Variants in MDGA2 observed in about 807,000 individuals in gnomAD.
MDGA2 encodes MAM domain-containing glycosylphosphatidylinositol anchor protein 2.
A neutral mutation model predicts 117.8 loss-of-function variants in MDGA2; 40 were observed. The observed-to-expected ratio is 0.34, with a 90% CI of 0.26 to 0.44. The LOEUF is 0.44. Ranked by LOEUF, MDGA2 falls within the 20% of genes least tolerant of loss-of-function variation. The pLI is 1.00. For synonymous variants in MDGA2, 452 were observed against 439.0 expected, an observed-to-expected ratio of 1.03 and a Z score of -0.37; for missense variants, 1,123 against 1,250.6, an observed-to-expected ratio of 0.90 and a Z score of 1.54.
intron 10 of MDGA2, among the ~76,000 whole-genome samples, chr14:46,912,911 G>A (rs1883760445): frequency 6.6e-6 from 1 of 152,176 alleles, no homozygotes; most frequent in Admixed American, 6.6e-5. Context: ...TTTGGAAGAT[G>A]AAGATAAACT....
At chr14:47,628,516 C>A (rs1897193338) in intron 1 of MDGA2, among the ~76,000 whole-genome samples, 1 of 152,146 alleles carries the variant, frequency 6.6e-6, no homozygotes, top group African/African-American at 2.4e-5. Context: ...CTTTGTAACA[C>A]TAAGAAATTG....
At chr14:47,370,885 A>C (rs1891342061) in intron 1 of MDGA2, among the ~76,000 whole-genome samples, 1 of 151,526 alleles carries the variant, frequency 6.6e-6, no homozygotes, top group South Asian at 2.1e-4. Context: ...TTTGTCTTAT[A>C]TTTTTCTGAT....
intron 8 of MDGA2, among the ~76,000 whole-genome samples, chr14:47,006,227 T>G (rs745920666): frequency 6.6e-6 from 1 of 151,314 alleles, no homozygotes; most frequent in Non-Finnish European, 1.5e-5. Context: ...ATCTCAGGTA[T>G]CTTTCAGCTG....
intron 1 of MDGA2, among the ~76,000 whole-genome samples, chr14:47,475,106 G>C (rs1275437734): frequency 1.3e-5 from 2 of 152,110 alleles, no homozygotes; most frequent in Non-Finnish European, 2.9e-5. Context: ...TTAATATCCA[G>C]AGTCTATAAG....
chr14:47,337,052 A>G (rs1890481312), intron 1 of MDGA2, among the ~76,000 whole-genome samples: 1 of 152,016 alleles, frequency 6.6e-6, no homozygotes, highest in Admixed American at 6.6e-5. Context: ...TGCCAACAAC[A>G]AAACTACAAA....
intron 1 of MDGA2, among the ~76,000 whole-genome samples, chr14:47,418,604 G>A (rs993000582): frequency 6.6e-6 from 1 of 152,074 alleles, no homozygotes; most frequent in African/African-American, 2.4e-5. Context: ...CCTTACAGAA[G>A]CCCCACCCCT....
At chr14:46,978,434 A>C (rs1043149136) in intron 8 of MDGA2, among the ~76,000 whole-genome samples, 5 of 152,080 alleles carry the variant, frequency 3.3e-5, no homozygotes, top group African/African-American at 1.2e-4. Context: ...GCATTAATTT[A>C]GACAGTAATG....
At chr14:47,473,866 C>A (rs1893780221) in intron 1 of MDGA2, among the ~76,000 whole-genome samples, 1 of 152,064 alleles carries the variant, frequency 6.6e-6, no homozygotes, top group Admixed American at 6.6e-5. Context: ...CAAACCATAA[C>A]CAATATCATA....
intron 1 of MDGA2, among the ~76,000 whole-genome samples, chr14:47,646,798 T>G (rs1214336932): frequency 1.3e-5 from 2 of 152,236 alleles, no homozygotes; most frequent in Non-Finnish European, 2.9e-5. Context: ...ATCAGAGCCA[T>G]TTTATGTAAA....
intron 1 of MDGA2, among the ~76,000 whole-genome samples, chr14:47,353,454 C>T (rs146180445): frequency 2.4e-3 from 371 of 152,254 alleles, no homozygotes; most frequent in African/African-American, 8.5e-3. Flanking sequence ...GTGTTACAAG[C>T]TACATTGTGT....
chr14:47,234,412 T>C (rs1594743637), intron 2 of MDGA2, among the ~76,000 whole-genome samples: 1 of 152,070 alleles, frequency 6.6e-6, no homozygotes, highest in Non-Finnish European at 1.5e-5. Context: ...TGGTTTATCA[T>C]AGCAATTTTC....
intron 1 of MDGA2, among the ~76,000 whole-genome samples, chr14:47,482,122 A>G (rs1186406544): frequency 6.6e-6 from 1 of 152,044 alleles, no homozygotes; most frequent in Non-Finnish European, 1.5e-5. Flanking sequence ...GTAGCTCCAC[A>G]GTTCGTTCTT....
intron 5 of MDGA2, among the ~76,000 whole-genome samples, chr14:47,121,316 C>T (rs1409992222): frequency 3.9e-5 from 6 of 151,926 alleles, no homozygotes; most frequent in Admixed American, 2.6e-4. Context: ...ATAGAATATT[C>T]CAAAAAGGCT....
chr14:47,354,927 G>A (rs1042592274), intron 1 of MDGA2, among the ~76,000 whole-genome samples: 2 of 152,106 alleles, frequency 1.3e-5, no homozygotes, highest in African/African-American at 4.8e-5. Context: ...AAAACCAGAA[G>A]GGACCCAAGT....
intron 3 of MDGA2, among the ~76,000 whole-genome samples, chr14:47,146,796 G>A (rs1882961914): frequency 6.6e-6 from 1 of 152,128 alleles, no homozygotes; most frequent in Non-Finnish European, 1.5e-5. Flanking sequence ...CAGTTAATAG[G>A]TTTGTACTTT....
Position 47,301,427 on chromosome 14 carries a change from C to G in MDGA2, c.404G>C (p.Gly135Ala). ...GGGACTCACCTGTGGACGTGGATGTCCTGTGACTAGACAAGTCAACTCAAG... is the reference window on the plus strand; with the variant it reads ...GGGACTCACCTGTGGACGTGGATGTGCTGTGACTAGACAAGTCAACTCAAG... ...ETLELTCLVT[G>A]HPRPQIRWTK... is the part of the protein sequence containing the mutation. Residue 135 changes from glycine to alanine, a missense_variant, in exon 2 of 17, where the codon GGA becomes GCA. Physicochemically the swap from Gly to Ala is moderately conservative, Grantham distance 60. This residue lies in a region of MDGA2 where 233 missense variants were observed against 200.3 expected (regional missense o/e 1.16). Transcript: ENST00000399232. 6.4e-7 allele frequency: 1 copy of G among 1,551,812 alleles called. No individual in the cohort carries two copies. The highest frequency in any genetic ancestry group is 8.7e-7 in the Non-Finnish European group (1 of 1,147,016).
At position 46,841,842 on chromosome 14, in the gene MDGA2, G is replaced by A. The variant is rs1024491460; in HGVS notation, c.*89C>T. On this transcript the variant is annotated 3_prime_UTR_variant, in exon 17 of 17. Coordinates refer to ENST00000399232, the MANE Select transcript of MDGA2 (RefSeq NM_001113498.3). ...GTCAGTAGTCAGTGGAGGAATCTTT[G>A]GTAGTTTGTTTGTTCAATGTCCATT... 4 of 881,436 alleles carry A rather than the reference G, an allele frequency of 4.5e-6. No homozygotes were observed. The highest frequency in any genetic ancestry group is 7.1e-6 in the Non-Finnish European group (4 of 567,188). 54.6% of individuals were successfully genotyped at this position (881,436 alleles called of 1,614,324 possible). A position where few individuals can be genotyped will look rare whatever the true frequency, so the allele number is the denominator to read the frequency against.
In MDGA2 at chr14:46,846,016, A is replaced by G. The variant is rs557840242; in HGVS notation, c.2884-145T>C. The G allele has an allele frequency of 9.6e-4, 615 of 643,826 alleles. 1 individual carries two copies. The highest frequency in any genetic ancestry group is 1.5e-3 in the Non-Finnish European group (534 of 363,540). The allele number at this position is 643,826 out of a possible 1,614,324, so 39.9% of individuals were successfully genotyped here. On this transcript the variant is annotated intron_variant, in intron 15 of 16. Transcript: ENST00000399232. ...TGGCTTTCAAAATTAAAACTTGCAG[A>G]AAACATAAACTTTCATCCCAAAACC...
intron 8 of MDGA2, among the ~76,000 whole-genome samples, chr14:46,963,122 T>A (rs969042668): frequency 1.3e-5 from 2 of 152,194 alleles, no homozygotes; most frequent in African/African-American, 2.4e-5. Context: ...GGTATGTGAA[T>A]TGATGGTTAA....
Sources: allele counts gnomAD v4.1 joint callset (sites outside exome capture counted in the v4.1 genomes callset), GRCh38; gene constraint gnomAD v4.1.1; regional missense constraint gnomAD v4.1.1; transcripts MANE v1.5; gene names NCBI Gene and HGNC (gene_info 2026-07-23, HGNC 2026-07-21).